Variants in AFDN observed in about 807,000 individuals in gnomAD.
The protein encoded by AFDN is afadin, adherens junction formation factor.
Under a neutral mutation model 216.6 loss-of-function variants are expected in AFDN, and 68 were observed. The observed-to-expected ratio is 0.31, with a 90% CI of 0.26 to 0.38. The LOEUF (loss-of-function observed/expected upper bound fraction) is 0.38, where lower values mean the gene tolerates loss of function less well. AFDN is among the 10% of genes least tolerant of loss of function. AFDN has a pLI of 1.00. For synonymous variants in AFDN, 868 were observed against 853.7 expected, an observed-to-expected ratio of 1.02 and a Z score of -0.29; for missense variants, 2,136 against 2,342.0, an observed-to-expected ratio of 0.91 and a Z score of 1.82.
At chr6:167,896,496 A>C (rs1006020522) in intron 9 of AFDN, among the ~76,000 whole-genome samples, 1 of 152,210 alleles carries the variant, frequency 6.6e-6, no homozygotes, top group Non-Finnish European at 1.5e-5. Flanking sequence ...CAGCAAGAAT[A>C]CTGCAGGAAA....
chr6:167,957,613 C>T (rs1354290320), intron 30 of AFDN, among the ~76,000 whole-genome samples: 1 of 152,196 alleles, frequency 6.6e-6, no homozygotes, highest in African/African-American at 2.4e-5. Flanking sequence ...AGGGCTTTTC[C>T]TTTATATCGC....
intron 23 of AFDN, 69 bp from the exon 24 acceptor site, chr6:167,943,060 A>T: frequency 7.6e-7 from 1 of 1,312,644 alleles, no homozygotes; most frequent in Admixed American, 2.2e-5. Context: ...TTTTTGTTTT[A>T]CTTTCCTGCA....
intron 19 of AFDN, 29 bp downstream of exon 19, chr6:167,915,462 T>C (rs767425861): frequency 5.1e-6 from 8 of 1,580,702 alleles, no homozygotes; most frequent in African/African-American, 1.3e-5. Context: ...CCCCAGCTCA[T>C]GTGCTTTATG....
At chr6:167,862,284 T>C (rs1049773716) in intron 1 of AFDN, among the ~76,000 whole-genome samples, 1 of 152,120 alleles carries the variant, frequency 6.6e-6, no homozygotes, top group African/African-American at 2.4e-5. Context: ...ACCTGGCACA[T>C]AGGCGGTGAG....
At chr6:167,896,271 C>G (rs775796320) in intron 9 of AFDN, among the ~76,000 whole-genome samples, 1 of 151,030 alleles carries the variant, frequency 6.6e-6, no homozygotes, top group Non-Finnish European at 1.5e-5. Flanking sequence ...TACTCCAGTT[C>G]TACTCCAGGG....
At chr6:167,933,979 T>G (rs1793654790) in intron 23 of AFDN, among the ~76,000 whole-genome samples, 3 of 152,198 alleles carry the variant, frequency 2.0e-5, no homozygotes, top group Admixed American at 2.0e-4. Context: ...AGGCCAGGAC[T>G]CTGGGGAGCT....
At chr6:167,849,765 A>T (rs1361017022) in intron 1 of AFDN, among the ~76,000 whole-genome samples, 1 of 152,216 alleles carries the variant, frequency 6.6e-6, no homozygotes, top group Admixed American at 6.5e-5. Context: ...ATGAGAATCT[A>T]CTTCACTGAT....
chr6:167,931,824 T>C (rs1307856012), intron 23 of AFDN, among the ~76,000 whole-genome samples: 1 of 152,150 alleles, frequency 6.6e-6, no homozygotes. Flanking sequence ...ACTGAGCGTG[T>C]TGGTGTGGCA....
At chr6:167,920,975 G>A (rs1031286159) in intron 21 of AFDN, among the ~76,000 whole-genome samples, 5 of 152,130 alleles carry the variant, frequency 3.3e-5, no homozygotes, top group Non-Finnish European at 5.9e-5. Flanking sequence ...TTTCAAACGC[G>A]TGCCGCTGTC....
chr6:167,952,646 C>T (rs114236880), intron 30 of AFDN: 201 of 231,072 alleles, frequency 8.7e-4, no homozygotes, highest in African/African-American at 4.5e-3. Flanking sequence ...CAAGTAAACA[C>T]ATGGGTGTGT....
intron 20 of AFDN, 141 bp downstream of exon 20, chr6:167,917,373 C>A: frequency 1.1e-6 from 1 of 931,498 alleles, no homozygotes; most frequent in South Asian, 2.5e-5. Context: ...TGTTGCTGTC[C>A]AAGAGTTCAA....
chr6:167,868,623 C>T (rs1784451564), intron 2 of AFDN, among the ~76,000 whole-genome samples: 1 of 152,156 alleles, frequency 6.6e-6, no homozygotes, highest in Non-Finnish European at 1.5e-5. Context: ...AAAATCACAT[C>T]TTTCTCTTGC....
chr6:167,912,040 T>C (rs1790470082), intron 15 of AFDN: 1 of 157,760 alleles, frequency 6.3e-6, no homozygotes, highest in East Asian at 1.8e-4. Flanking sequence ...TTGGTAGTAA[T>C]TGGGCTTTTT....
chr6:167,903,828 C>CT (rs1298243104), intron 12 of AFDN, among the ~76,000 whole-genome samples: 1 of 152,218 alleles, frequency 6.6e-6, no homozygotes, highest in Non-Finnish European at 1.5e-5. Flanking sequence ...CAGGGACTGT[C>CT]TGTCAGGGGG....
intron 32 of AFDN, chr6:167,968,697 CATT>C: frequency 5.5e-6 from 1 of 180,934 alleles, no homozygotes; most frequent in Non-Finnish European, 1.2e-5. Flanking sequence ...CACTTAGTGA[CATT>C]ATTACTTGGA....
Position 167,951,696 on chromosome 6 carries a change from T to C in AFDN, c.4342T>C (p.Leu1448=). 2 of 1,613,824 alleles carry C rather than the reference T, an allele frequency of 1.2e-6. No individual in the cohort carries two copies. Among genetic ancestry groups the C allele is most frequent in the Non-Finnish European group, 1.7e-6 (2 of 1,179,912 alleles). ...GAAGCGGAGAGAGCAGGAGAGGAAG[T>C]TGGGCCAGATGCGCACTCAGTCCTT... The part of the protein sequence containing the change: ...ERKRREQERK[L]GQMRTQSLNP... Residue 1448 remains leucine, a synonymous_variant, in exon 30 of 34, where the codon TTG becomes CTG. Coordinates refer to ENST00000683244, the MANE Select transcript of AFDN (RefSeq NM_001386888.1). This position sits in a 1 kb window ranked among gnomAD's most constrained non-coding sequence, Gnocchi z 7.1.
chr6:167,948,491 AG>A lies in AFDN; in HGVS notation c.3831+14del. On this transcript the variant is annotated intron_variant, in intron 29 of 33. Transcript: ENST00000683244. The stretch of plus-strand genomic sequence containing the variant: ...TATTGCAATTCAGGTTAGAAATCAA[AG>A]ATTCCACACACTTTTCTCACCTCTC... 1 of 1,610,772 alleles carries A rather than the reference AG, an allele frequency of 6.2e-7. No homozygotes were observed. Among genetic ancestry groups the A allele is most frequent in the East Asian group, 2.2e-5 (1 of 44,840 alleles).
At chr6:167,956,101 C>T (rs1267980608) in intron 30 of AFDN, among the ~76,000 whole-genome samples, 1 of 104,428 alleles carries the variant, frequency 9.6e-6, no homozygotes, top group Non-Finnish European at 1.7e-5. Context: ...GGGAACAGAG[C>T]GAGACTTTGG....
At chr6:167,968,905 A>T in intron 32 of AFDN, 1 of 528,104 alleles carries the variant, frequency 1.9e-6, no homozygotes, top group Non-Finnish European at 3.4e-6. Flanking sequence ...ACATTTTAGC[A>T]CCTTTTGAGA....
Sources: gnomAD v4.1 joint callset for allele counts (sites outside exome capture counted in the v4.1 genomes callset) on GRCh38, gnomAD v4.1.1 for gene constraint, Gnocchi (gnomAD v3.1) non-coding constraint, MANE v1.5 for transcripts, NCBI Gene and HGNC (gene_info 2026-07-23, HGNC 2026-07-21) for gene names.